Variants in NT5C observed in about 807,000 individuals in gnomAD.
The protein encoded by NT5C is 5'(3')-deoxyribonucleotidase, cytosolic type.
A neutral mutation model predicts 17.6 loss-of-function variants in NT5C; 14 were observed. The observed-to-expected ratio is 0.79, with a 90% CI of 0.52 to 1.24. NT5C has a LOEUF of 1.24. NT5C is among the 50% of genes most tolerant of loss of function. The pLI is 0.00. For synonymous variants in NT5C, 153 were observed against 119.2 expected, an observed-to-expected ratio of 1.28 and a Z score of -1.85; for missense variants, 328 against 278.3, an observed-to-expected ratio of 1.18 and a Z score of -1.27.
chr17:75,131,205 A>C lies in NT5C; in HGVS notation c.251T>G (p.Val84Gly), dbSNP rs773131914. The change falls in exon 2 of 5, where the codon GTG (valine) becomes GGG (glycine). Residue 84 changes from valine to glycine, a missense_variant. Physicochemically the swap from Val to Gly is moderately radical, Grantham distance 109. Coordinates refer to ENST00000245552, the MANE Select transcript of NT5C (RefSeq NM_014595.3). The stretch of plus-strand genomic sequence containing the variant: ...CTCCGGTAGGTCGTTCATCTCCCGC[A>C]CAGCGTCCAAGGCTCCCGGGATGGG... ...LEPIPGALDA[V>G]REMNDLPDTQ... 5 of 1,613,704 alleles carry C rather than the reference A, an allele frequency of 3.1e-6. No homozygotes were observed. Among genetic ancestry groups the C allele is most frequent in the Non-Finnish European group, 3.4e-6 (4 of 1,179,996 alleles).
rs760316984 is a variant in NT5C, at chr17:75,131,079, G to T, written c.302C>A (p.Pro101His). 9 of 1,613,228 alleles carry T rather than the reference G, an allele frequency of 5.6e-6. No individual in the cohort carries two copies. Among genetic ancestry groups the T allele is most frequent in the Middle Eastern group, 1.7e-4 (1 of 5,986 alleles). Reference protein sequence around the residue: ...PDTQVFICTSPLLKYHHCVGE... With the variant: ...PDTQVFICTSHLLKYHHCVGE... The stretch of plus-strand genomic sequence containing the variant: ...CACACAGTGGTGGTACTTCAGCAGG[G>T]GGCTGGTGCAGATGAAGACCTGCGT... The change falls in exon 3 of 5, where the codon CCC becomes CAC. Residue 101 changes from proline (P) to histidine (H), a missense_variant. Transcript: ENST00000245552.
At position 75,131,035 on chromosome 17, in the gene NT5C, G is replaced by A; in HGVS notation, c.336+10C>T. On this transcript the variant is annotated intron_variant, in intron 3 of 4. Coordinates refer to ENST00000245552, the MANE Select transcript of NT5C (RefSeq NM_014595.3). Reference sequence around the variant, plus strand: ...GCTCCACGTGCGGAGTAGGGGCGGGGCAGCCACACCTTCTCACCCACACAG... The same window carrying A: ...GCTCCACGTGCGGAGTAGGGGCGGGACAGCCACACCTTCTCACCCACACAG... 1.9e-6 allele frequency: 3 copies of A among 1,610,942 alleles called. No individual in the cohort carries two copies. The highest frequency in any genetic ancestry group is 1.3e-5 in the African/African-American group (1 of 75,022).
intron 2 of NT5C, 28 bp from the exon 3 acceptor site, chr17:75,131,133 G>T (rs1358139849): frequency 1.2e-6 from 2 of 1,612,526 alleles, no homozygotes; most frequent in Non-Finnish European, 1.7e-6. Context: ...GTTACCGCCG[G>T]GAGCCAGGAG....
rs916820560 is a variant in NT5C at position 75,131,716 on chromosome 17, G to A, written c.-9C>T. On this transcript the variant is annotated 5_prime_UTR_variant, in exon 1 of 5. Coordinates refer to ENST00000245552, the MANE Select transcript of NT5C (RefSeq NM_014595.3). Reference sequence around the variant, plus strand: ...CGCACGCTCCGCGCCATCGCCGCCGGGCCGGAGCTGCGAGCTCTCGGGGTC... The same window carrying A: ...CGCACGCTCCGCGCCATCGCCGCCGAGCCGGAGCTGCGAGCTCTCGGGGTC... The A allele has an allele frequency of 7.1e-6, 9 of 1,274,510 alleles. No homozygotes were observed. Among genetic ancestry groups the A allele is most frequent in the East Asian group, 3.1e-5 (1 of 31,938 alleles). 79.0% of individuals were successfully genotyped at this position (1,274,510 alleles called of 1,614,324 possible). A position where few individuals can be genotyped will look rare whatever the true frequency, so the allele number is the denominator to read the frequency against.
In NT5C at chr17:75,131,091, A is replaced by T; in HGVS notation, c.290T>A (p.Ile97Asn). The T allele has an allele frequency of 6.2e-7, 1 of 1,613,276 alleles. No homozygotes were observed. The highest frequency in any genetic ancestry group is 2.2e-5 in the East Asian group (1 of 44,858). The part of the protein sequence containing the change: ...MNDLPDTQVF[I>N]CTSPLLKYHH... The stretch of plus-strand genomic sequence containing the variant: ...GTACTTCAGCAGGGGGCTGGTGCAG[A>T]TGAAGACCTGCGTGCTGCGGAGAAG... The change falls in exon 3 of 5, where the codon ATC (isoleucine) becomes AAC (asparagine). Residue 97 changes from isoleucine (I) to asparagine (N), a missense_variant. By Grantham distance (149) the Ile-to-Asn change is moderately radical. Transcript: ENST00000245552.
Position 75,130,597 on chromosome 17 carries a change from C to T in NT5C, c.497G>A (p.Cys166Tyr). Residue 166 changes from cysteine to tyrosine, a missense_variant, in exon 5 of 5, where the codon TGC becomes TAC. Coordinates refer to ENST00000245552, the MANE Select transcript of NT5C (RefSeq NM_014595.3). ...PSWEHILFTC[C>Y]HNRHLVLPPT... ...GGGCAGGACCAGGTGCCGATTGTGG[C>T]AGCAGGTGAACAAGATGTGCTCCCA... 1 of 1,614,192 alleles carries T rather than the reference C, an allele frequency of 6.2e-7. No homozygotes were observed. The highest frequency in any genetic ancestry group is 1.3e-5 in the African/African-American group (1 of 75,064).
At position 75,131,194 on chromosome 17, in the gene NT5C, T is replaced by C; in HGVS notation, c.262A>G (p.Asn88Asp). ...CTCTCTCCTTACTCCGGTAGGTCGT[T>C]CATCTCCCGCACAGCGTCCAAGGCT... ...PGALDAVREM[N>D]DLPDTQVFIC... The change falls in exon 2 of 5, where the codon AAC (asparagine) becomes GAC (aspartate). Residue 88 changes from asparagine to aspartate, a missense_variant. Asn to Asp is a conservative substitution (Grantham distance 23, BLOSUM62 1). Coordinates refer to ENST00000245552, the MANE Select transcript of NT5C (RefSeq NM_014595.3). The C allele has an allele frequency of 6.2e-7, 1 of 1,613,728 alleles. No homozygotes were observed. The highest frequency in any genetic ancestry group is 1.1e-5 in the South Asian group (1 of 91,064).
Position 75,130,569 on chromosome 17 carries a change from C to T in NT5C, c.525G>A (p.Pro175=), listed in dbSNP as rs1440859993. The change falls in exon 5 of 5, where the codon CCG becomes CCA. Residue 175 remains proline, a synonymous_variant. Coordinates refer to ENST00000245552, the MANE Select transcript of NT5C (RefSeq NM_014595.3). ...TCCAGGAGAGCAGCCGTCTCCTTGTCGGGGGCAGGACCAGGTGCCGATTGT... is the reference window on the plus strand; with the variant it reads ...TCCAGGAGAGCAGCCGTCTCCTTGTTGGGGGCAGGACCAGGTGCCGATTGT... ...CCHNRHLVLP[P]TRRRLLSWSD... is the part of the protein sequence containing the mutation. 3.7e-6 allele frequency: 6 copies of T among 1,614,210 alleles called. No homozygotes were observed. The South Asian group carries it at 6.6e-5, about 18-fold the overall frequency.
In NT5C at chr17:75,131,217, G is replaced by T. The variant is rs767244726; in HGVS notation, c.239C>A (p.Ala80Asp). 3.1e-6 allele frequency: 5 copies of T among 1,613,928 alleles called. No homozygotes were observed. Among genetic ancestry groups the T allele is most frequent in the Non-Finnish European group, 4.2e-6 (5 of 1,180,012 alleles). Reference protein sequence around the residue: ...FFLDLEPIPGALDAVREMNDL... With the variant: ...FFLDLEPIPGDLDAVREMNDL... ...GTTCATCTCCCGCACAGCGTCCAAGGCTCCCGGGATGGGCTCCAGGTCCAG... is the reference window on the plus strand; with the variant it reads ...GTTCATCTCCCGCACAGCGTCCAAGTCTCCCGGGATGGGCTCCAGGTCCAG... Residue 80 changes from alanine to aspartate, a missense_variant, in exon 2 of 5, where the codon GCC becomes GAC. Ala to Asp is a moderately radical substitution (Grantham distance 126). Transcript: ENST00000245552.
chr17:75,131,542 C>T lies in NT5C; in HGVS notation c.166G>A (p.Asp56Asn), dbSNP rs893720430. 55 of 1,410,012 alleles carry T rather than the reference C, an allele frequency of 3.9e-5. No individual in the cohort carries two copies. In the Middle Eastern group the frequency reaches 1.5e-3, roughly 40 times the overall value. The allele number at this position is 1,410,012 out of a possible 1,614,324, so 87.3% of individuals were successfully genotyped here. ...GACCCTGCGCCCCCTACCGCCAGGT[C>T]GGGCCGCAGGGCGCGGTACTGCTCG... is the stretch of plus-strand genomic sequence containing the variant. ...AREQYRALRP[D>N]LADKVASVYE... The change falls in exon 1 of 5, where the codon GAC becomes AAC. Residue 56 changes from aspartate (D) to asparagine (N), a missense_variant. Transcript: ENST00000245552.
At chr17:75,131,306 C>T (rs2074120259) in intron 1 of NT5C, 25 bp from the exon 2 acceptor site, 1 of 1,608,888 alleles carries the variant, frequency 6.2e-7, no homozygotes, top group Admixed American at 1.7e-5. Context: ...TTCTGGGTCC[C>T]GGCTTCCCGT....
intron 1 of NT5C, 60 bp downstream of exon 1, chr17:75,131,474 G>T: frequency 7.0e-7 from 1 of 1,433,022 alleles, no homozygotes; most frequent in South Asian, 1.5e-5. Flanking sequence ...ACAGAGAAGG[G>T]GGAGACCCCC....
chr17:75,130,548 G>A lies in NT5C; in HGVS notation c.546C>T (p.Ser182=), dbSNP rs1355769612. ...VLPPTRRRLL[S]WSDNWREILD... is the part of the protein sequence containing the mutation. Reference sequence around the variant, plus strand: ...AGATCTCCCTCCAGTTGTCACTCCAGGAGAGCAGCCGTCTCCTTGTCGGGG... The same window carrying A: ...AGATCTCCCTCCAGTTGTCACTCCAAGAGAGCAGCCGTCTCCTTGTCGGGG... The change falls in exon 5 of 5, where the codon TCC becomes TCT. Residue 182 remains serine (S), a synonymous_variant. Coordinates refer to ENST00000245552, the MANE Select transcript of NT5C (RefSeq NM_014595.3). The A allele has an allele frequency of 1.2e-6, 2 of 1,614,200 alleles. No individual in the cohort carries two copies. Among genetic ancestry groups the A allele is most frequent in the South Asian group, 2.2e-5 (2 of 91,092 alleles).
chr17:75,131,389 CAG>C lies in NT5C; in HGVS notation c.175-110_175-109del, dbSNP rs995129242. The C allele has an allele frequency of 6.4e-6, 9 of 1,408,716 alleles. No individual in the cohort carries two copies. In the African/African-American group the frequency reaches 1.3e-4, roughly 20 times the overall value. 87.3% of individuals were successfully genotyped at this position (1,408,716 alleles called of 1,614,324 possible). A position where few individuals can be genotyped will look rare whatever the true frequency, so the allele number is the denominator to read the frequency against. ...TCAGAGGGGCGGAGGGGGCGTCGGT[CAG>C]GGGCACGCGCCCAAAGGCTCCTCCC... On this transcript the variant is annotated intron_variant, in intron 1 of 4. Coordinates refer to ENST00000245552, the MANE Select transcript of NT5C (RefSeq NM_014595.3).
chr17:75,130,655 AAGAC>A lies in NT5C; in HGVS notation c.452-17_452-14del. 1 of 1,614,070 alleles carries A rather than the reference AAGAC, an allele frequency of 6.2e-7. No homozygotes were observed. Among genetic ancestry groups the A allele is most frequent in the Non-Finnish European group, 8.5e-7 (1 of 1,179,970 alleles). On this transcript the variant is annotated splice_polypyrimidine_tract_variant and intron_variant, in intron 4 of 4. Coordinates refer to ENST00000245552, the MANE Select transcript of NT5C (RefSeq NM_014595.3). ...GTCTCCTCCTGGCCTAGGACAGTGA[AAGAC>A]AGCGCGCTGCCATCTGTCATGGGTA...
rs1598175979 is a variant in NT5C, at chr17:75,130,503, A to C, written c.591T>G (p.Ala197=). ...GCATCCCCGCTCATTCCCGCTGCGC[A>C]GCTCCGCGCTTGCTATCTAAGATCT... The part of the protein sequence containing the change: ...WREILDSKRG[A]AQRE The change falls in exon 5 of 5, where the codon GCT becomes GCG. Residue 197 remains alanine, a synonymous_variant. Transcript: ENST00000245552. 6.2e-7 allele frequency: 1 copy of C among 1,613,964 alleles called. No homozygotes were observed. The highest frequency in any genetic ancestry group is 8.5e-7 in the Non-Finnish European group (1 of 1,179,948).
intron 1 of NT5C, 29 bp downstream of exon 1, chr17:75,131,505 T>G: frequency 7.0e-7 from 1 of 1,427,578 alleles, no homozygotes; most frequent in Non-Finnish European, 9.1e-7. Context: ...GAGCGGGCCC[T>G]GCCCGGGTGG....
Position 75,130,428 on chromosome 17 carries a change from C to T in NT5C, c.*60G>A, listed in dbSNP as rs1163582210. The T allele has an allele frequency of 1.9e-6, 3 of 1,592,808 alleles. No individual in the cohort carries two copies. The highest frequency in any genetic ancestry group is 2.6e-6 in the Non-Finnish European group (3 of 1,167,578). ...ACGATGCCGCCCCGACTCGGCTCTG[C>T]GGTGGCCCCTGTGGGCCTGCCCTTC... On this transcript the variant is annotated 3_prime_UTR_variant, in exon 5 of 5. Transcript: ENST00000245552.
At chr17:75,131,510 G>A (rs112566277) in intron 1 of NT5C, 24 bp downstream of exon 1, 19 of 1,418,004 alleles carry the variant, frequency 1.3e-5, no homozygotes, top group Middle Eastern at 5.2e-4. Context: ...GGCCCTGCCC[G>A]GGTGGGGACC....
Sources: allele counts gnomAD v4.1 joint callset, GRCh38; gene constraint gnomAD v4.1.1; transcripts MANE v1.5; gene names NCBI Gene and HGNC (gene_info 2026-07-23, HGNC 2026-07-21).